STXBP6: variants seen among roughly 807,000 people sequenced by gnomAD.
STXBP6 encodes syntaxin-binding protein 6.
In STXBP6, 21 loss-of-function variants were observed where a neutral mutation model predicts 26.9. The ratio of observed to expected loss-of-function variants is 0.78; its 90% CI spans 0.55 to 1.12. The LOEUF is 1.12. STXBP6 is among the 50% of genes most tolerant of loss of function. The pLI, the probability that STXBP6 is intolerant of heterozygous loss-of-function variation, is 0.00. For synonymous variants in STXBP6, 97 were observed against 92.6 expected, an observed-to-expected ratio of 1.05 and a Z score of -0.27; for missense variants, 232 against 257.9, an observed-to-expected ratio of 0.90 and a Z score of 0.69.
chr14:24,905,370 T>C (rs750822800), intron 2 of STXBP6, among the ~76,000 whole-genome samples: 13 of 152,188 alleles, frequency 8.5e-5, no homozygotes, highest in Admixed American at 7.9e-4. Flanking sequence ...AGTGTTATAT[T>C]GTTATTTAGG....
intron 4 of STXBP6, among the ~76,000 whole-genome samples, chr14:24,828,547 T>C (rs936283046): frequency 6.6e-6 from 1 of 152,210 alleles, no homozygotes; most frequent in Admixed American, 6.5e-5. Flanking sequence ...TGTCTCTATC[T>C]GTGTGAGTAG....
At chr14:24,955,597 A>C (rs2073317207) in intron 2 of STXBP6, among the ~76,000 whole-genome samples, 1 of 152,306 alleles carries the variant, frequency 6.6e-6, no homozygotes, top group Non-Finnish European at 1.5e-5. Context: ...CATAGCCCTC[A>C]GTGGAAGCAA....
intron 2 of STXBP6, among the ~76,000 whole-genome samples, chr14:24,896,970 A>G (rs2071013493): frequency 2.6e-5 from 4 of 152,120 alleles, no homozygotes; most frequent in Admixed American, 2.6e-4. Flanking sequence ...GAGACATAAG[A>G]CTAAAGGCCT....
At chr14:25,037,058 C>T (rs2075567622) in intron 1 of STXBP6, among the ~76,000 whole-genome samples, 1 of 152,158 alleles carries the variant, frequency 6.6e-6, no homozygotes, top group African/African-American at 2.4e-5. Flanking sequence ...GGAGCAGACA[C>T]AGCAAAGCCT....
At chr14:24,987,772 G>A (rs1448181435) in intron 1 of STXBP6, 2 of 900,568 alleles carry the variant, frequency 2.2e-6, no homozygotes, top group African/African-American at 1.8e-5. Context: ...CCCACTGTGA[G>A]GTGTTGTTAC....
intron 2 of STXBP6, among the ~76,000 whole-genome samples, chr14:24,909,247 G>A (rs926386346): frequency 1.3e-5 from 2 of 152,192 alleles, no homozygotes; most frequent in Non-Finnish European, 2.9e-5. Context: ...TTAGGTTTGC[G>A]AGTCAGAACC....
chr14:24,915,105 C>G (rs570504581), intron 2 of STXBP6, among the ~76,000 whole-genome samples: 5 of 152,200 alleles, frequency 3.3e-5, no homozygotes, highest in African/African-American at 1.2e-4. Flanking sequence ...TACACAATTG[C>G]ATTTCATGTC....
chr14:25,047,753 AC>A (rs1270244932), intron 1 of STXBP6, among the ~76,000 whole-genome samples: 2 of 152,064 alleles, frequency 1.3e-5, no homozygotes, highest in African/African-American at 4.8e-5. Context: ...TGATAATCTC[AC>A]CTGTTCTTGC....
At chr14:24,940,881 T>C (rs958462887) in intron 2 of STXBP6, among the ~76,000 whole-genome samples, 7 of 152,050 alleles carry the variant, frequency 4.6e-5, no homozygotes, top group Non-Finnish European at 1.5e-5. Context: ...CCAGGTGTGG[T>C]GGCAGGCACA....
At chr14:25,013,577 A>G (rs533976925) in intron 1 of STXBP6, among the ~76,000 whole-genome samples, 1 of 152,258 alleles carries the variant, frequency 6.6e-6, no homozygotes, top group African/African-American at 2.4e-5. Context: ...AAATTGAAAC[A>G]GAATTCAATC....
At chr14:24,856,878 C>T in intron 3 of STXBP6, 149 bp downstream of exon 3, 1 of 915,754 alleles carries the variant, frequency 1.1e-6, no homozygotes, top group Non-Finnish European at 1.6e-6. Flanking sequence ...TAAGAAAGGA[C>T]TCTGTATCCG....
At chr14:24,848,243 T>A (rs2069030312) in intron 4 of STXBP6, among the ~76,000 whole-genome samples, 1 of 152,182 alleles carries the variant, frequency 6.6e-6, no homozygotes, top group South Asian at 2.1e-4. Context: ...CCTCATGTCA[T>A]CCCTTCAAGG....
At chr14:25,047,055 C>G (rs1566584969) in intron 1 of STXBP6, among the ~76,000 whole-genome samples, 1 of 152,294 alleles carries the variant, frequency 6.6e-6, no homozygotes, top group East Asian at 1.9e-4. Context: ...GGAAAAGACA[C>G]CACTGCAAAT....
At chr14:24,979,880 T>C (rs749356415) in intron 1 of STXBP6, among the ~76,000 whole-genome samples, 2 of 152,216 alleles carry the variant, frequency 1.3e-5, no homozygotes, top group Non-Finnish European at 2.9e-5. Context: ...CTGCTCTTAC[T>C]TTACCACAAT....
At chr14:24,900,132 A>G (rs1424264604) in intron 2 of STXBP6, among the ~76,000 whole-genome samples, 1 of 152,234 alleles carries the variant, frequency 6.6e-6, no homozygotes, top group Non-Finnish European at 1.5e-5. Flanking sequence ...TGTTCCTAAT[A>G]TTAGATTTTT....
At chr14:24,968,664 G>A (rs1265830934) in intron 2 of STXBP6, among the ~76,000 whole-genome samples, 1 of 151,816 alleles carries the variant, frequency 6.6e-6, no homozygotes, top group Admixed American at 6.6e-5. Context: ...CTTCCATGGG[G>A]GTTCAGATCC....
intron 2 of STXBP6, among the ~76,000 whole-genome samples, chr14:24,944,437 C>T (rs1370627450): frequency 6.6e-6 from 1 of 152,168 alleles, no homozygotes; most frequent in Admixed American, 6.5e-5. Flanking sequence ...ACACACAGAG[C>T]CAGGGCTCTG....
At chr14:24,883,167 C>T (rs527668945) in intron 2 of STXBP6, among the ~76,000 whole-genome samples, 2 of 152,256 alleles carry the variant, frequency 1.3e-5, no homozygotes, top group African/African-American at 4.8e-5. Flanking sequence ...TAACTACAAA[C>T]ACACACATAG....
intron 2 of STXBP6, among the ~76,000 whole-genome samples, chr14:24,953,727 T>A (rs2073247436): frequency 6.6e-6 from 1 of 152,190 alleles, no homozygotes; most frequent in African/African-American, 2.4e-5. Flanking sequence ...CACAGTAAGA[T>A]CTCAACAAAG....
Sources: gnomAD v4.1 joint callset for allele counts (sites outside exome capture counted in the v4.1 genomes callset) on GRCh38, gnomAD v4.1.1 for gene constraint, MANE v1.5 for transcripts, NCBI Gene and HGNC (gene_info 2026-07-23, HGNC 2026-07-21) for gene names.